RIPK4: variants seen among roughly 807,000 people sequenced by gnomAD.
RIPK4 encodes the protein receptor-interacting serine/threonine-protein kinase 4.
Under a neutral mutation model 42.9 loss-of-function variants are expected in RIPK4, and 17 were observed. The observed-to-expected ratio is 0.40, with a 90% CI of 0.27 to 0.59. The LOEUF (loss-of-function observed/expected upper bound fraction) is 0.59, where lower values mean the gene tolerates loss of function less well. RIPK4 is among the 20% of genes least tolerant of loss of function. The pLI is 0.47. For missense variants in RIPK4, 897 were observed against 1,104.4 expected (o/e 0.81, Z 2.66); for synonymous variants, 498 against 499.1 (o/e 1.00, Z 0.03).
At chr21:41,756,926 A>C in intron 1 of RIPK4, 110 bp from the exon 2 acceptor site, 1 of 1,098,012 alleles carries the variant, frequency 9.1e-7, no homozygotes, top group Non-Finnish European at 1.3e-6. Context: ...CAAATGCCTC[A>C]AGTGCACACA....
Position 41,740,635 on chromosome 21 carries a change from G to T in RIPK4, c.*203C>A. On this transcript the variant is annotated 3_prime_UTR_variant, in exon 8 of 8. Transcript: ENST00000332512. ...CAGGTGCCTAGATCGATGATGGAGC[G>T]GGCATGTGCACCTGAGCCAGCTTCA... 1.7e-6 allele frequency: 1 copy of T among 580,918 alleles called. No homozygotes were observed. The highest frequency in any genetic ancestry group is 3.0e-6 in the Non-Finnish European group (1 of 330,588). The allele number at this position is 580,918 out of a possible 1,614,324, so 36.0% of individuals were successfully genotyped here. A position where few individuals can be genotyped will look rare whatever the true frequency, so the allele number is the denominator to read the frequency against.
intron 1 of RIPK4, among the ~76,000 whole-genome samples, chr21:41,761,431 T>C (rs1174728704): frequency 6.6e-6 from 1 of 152,262 alleles, no homozygotes; most frequent in Admixed American, 6.5e-5. Context: ...AGTTATGATT[T>C]GTCTGTTTCC....
Position 41,756,745 on chromosome 21 carries a change from T to C in RIPK4, c.254A>G (p.Tyr85Cys), listed in dbSNP as rs779806272. Reference protein sequence around the residue: ...MAKFRYILPVYGICREPVGLV... With the variant: ...MAKFRYILPVCGICREPVGLV... ...GCCGACAGGTTCGCGGCAGATGCCA[T>C]ACACAGGCAGGATGTAGCGAAACTT... The change falls in exon 2 of 8, where the codon TAT becomes TGT. Residue 85 changes from tyrosine (Y) to cysteine (C), a missense_variant. Tyr to Cys is a radical substitution (Grantham distance 194). Transcript: ENST00000332512. 6.2e-7 allele frequency: 1 copy of C among 1,614,230 alleles called. No individual in the cohort carries two copies. Among genetic ancestry groups the C allele is most frequent in the South Asian group, 1.1e-5 (1 of 91,090 alleles).
chr21:41,760,496 C>A (rs1482394679), intron 1 of RIPK4, among the ~76,000 whole-genome samples: 1 of 152,196 alleles, frequency 6.6e-6, no homozygotes, highest in South Asian at 2.1e-4. Context: ...CTGAGAGAAT[C>A]GGGAAGGCTG....
chr21:41,744,135 C>T lies in RIPK4; in HGVS notation c.942G>A (p.Val314=). ...CAGAGGCCCGCTTGAGCCTCGCAGG[C>T]ACCACCTGCGAAGATGCAGAAGAGG... is the stretch of plus-strand genomic sequence containing the variant. ...KSPPEPRSEV[V]PARLKRASAP... is the part of the protein sequence containing the mutation. The change falls in exon 7 of 8, where the codon GTG becomes GTA. Residue 314 remains valine, a synonymous_variant. Coordinates refer to ENST00000332512, the MANE Select transcript of RIPK4 (RefSeq NM_020639.3). The T allele has an allele frequency of 6.3e-7, 1 of 1,586,614 alleles. No homozygotes were observed. Among genetic ancestry groups the T allele is most frequent in the Non-Finnish European group, 8.6e-7 (1 of 1,164,310 alleles).
At chr21:41,749,070 T>C (rs2061180309) in intron 4 of RIPK4, 84 bp downstream of exon 4, 8 of 1,432,764 alleles carry the variant, frequency 5.6e-6, no homozygotes, top group Admixed American at 1.7e-5. Flanking sequence ...GGCTCTGTTT[T>C]AGGATAGAGA....
intron 2 of RIPK4, 78 bp downstream of exon 2, chr21:41,756,447 C>T (rs751511733): frequency 8.5e-6 from 13 of 1,529,030 alleles, no homozygotes; most frequent in Non-Finnish European, 1.1e-5. Context: ...GACCTCAGGG[C>T]TTGACCCCTT....
chr21:41,756,462 C>A (rs2061203631), intron 2 of RIPK4, 63 bp downstream of exon 2: 5 of 1,561,786 alleles, frequency 3.2e-6, no homozygotes, highest in Admixed American at 1.7e-5. Flanking sequence ...CCCCTTGATA[C>A]CCTGCTCCCC....
intron 4 of RIPK4, among the ~76,000 whole-genome samples, chr21:41,747,299 T>C (rs2061174913): frequency 6.6e-6 from 1 of 152,228 alleles, no homozygotes; most frequent in South Asian, 2.1e-4. Flanking sequence ...CTGGGATGTG[T>C]GGAAGGGCTC....
intron 3 of RIPK4, 119 bp downstream of exon 3, chr21:41,750,978 C>G (rs755349132): frequency 3.7e-5 from 50 of 1,335,892 alleles, no homozygotes; most frequent in Admixed American, 6.6e-5. Flanking sequence ...GCGCCTGGCC[C>G]GAGCCCCATT....
intron 6 of RIPK4, among the ~76,000 whole-genome samples, chr21:41,745,296 C>T (rs9976790): frequency 2.0e-5 from 3 of 152,208 alleles, no homozygotes; most frequent in Admixed American, 1.3e-4. Context: ...CCTCATCACC[C>T]GAAAAGGCAT....
rs746017728 is a variant in RIPK4, at chr21:41,766,882, G to C, written c.160C>G (p.Pro54Ala). ...CACCTGTCGTCGACGTGCAGGCTGG[G>C]CGAGCACTTGATGGCCAGCCAGGTC... Reference protein sequence around the residue: ...WKTWLAIKCSPSLHVDDRERM... With the variant: ...WKTWLAIKCSASLHVDDRERM... The change falls in exon 1 of 8, where the codon CCC (proline) becomes GCC (alanine). Residue 54 changes from proline to alanine, a missense_variant. Coordinates refer to ENST00000332512, the MANE Select transcript of RIPK4 (RefSeq NM_020639.3). The C allele has an allele frequency of 6.2e-7, 1 of 1,610,286 alleles. No individual in the cohort carries two copies. Among genetic ancestry groups the C allele is most frequent in the Non-Finnish European group, 8.5e-7 (1 of 1,178,742 alleles).
chr21:41,756,953 A>G lies in RIPK4; in HGVS notation c.183-137T>C, dbSNP rs138844254. On this transcript the variant is annotated intron_variant, in intron 1 of 7. Transcript: ENST00000332512. ...GTGCACACACATGGGGCACACTTCAATGTCACATCACGAATGCAGGGCTTT... is the reference window on the plus strand; with the variant it reads ...GTGCACACACATGGGGCACACTTCAGTGTCACATCACGAATGCAGGGCTTT... 3.9e-3 allele frequency: 3,298 copies of G among 842,024 alleles called. 7 individuals carry two copies. The highest frequency in any genetic ancestry group is 5.6e-3 in the Non-Finnish European group (3,070 of 550,442). 52.2% of individuals were successfully genotyped at this position (842,024 alleles called of 1,614,324 possible).
chr21:41,753,988 T>C (rs1222234314), intron 2 of RIPK4, among the ~76,000 whole-genome samples: 1 of 152,230 alleles, frequency 6.6e-6, no homozygotes, highest in Non-Finnish European at 1.5e-5. Context: ...TATTACTTTG[T>C]ATACTATTTA....
intron 2 of RIPK4, among the ~76,000 whole-genome samples, chr21:41,754,385 A>T (rs1193898524): frequency 1.3e-5 from 2 of 152,194 alleles, no homozygotes; most frequent in Admixed American, 6.5e-5. Flanking sequence ...CCTGATTAAG[A>T]AGGACGCCAC....
chr21:41,742,137 G>T lies in RIPK4; in HGVS notation c.1196-140C>A. 1.3e-6 allele frequency: 1 copy of T among 776,916 alleles called. No homozygotes were observed. The highest frequency in any genetic ancestry group is 2.1e-6 in the Non-Finnish European group (1 of 479,958). 48.1% of individuals were successfully genotyped at this position (776,916 alleles called of 1,614,324 possible). Reference sequence around the variant, plus strand: ...TCGCTGGTCACCCGACTGTGTTTGAGCGTTGTCTGTGCCTCGTGATTAAGG... The same window carrying T: ...TCGCTGGTCACCCGACTGTGTTTGATCGTTGTCTGTGCCTCGTGATTAAGG... On this transcript the variant is annotated intron_variant, in intron 7 of 7. Transcript: ENST00000332512. This position sits in a 1 kb window ranked among gnomAD's most constrained non-coding sequence, Gnocchi z 5.1.
chr21:41,745,256 TA>T (rs1217412545), intron 6 of RIPK4, among the ~76,000 whole-genome samples: 2 of 152,186 alleles, frequency 1.3e-5, no homozygotes, highest in Admixed American at 6.5e-5. Flanking sequence ...AAAGCTCACT[TA>T]TCAGCTGGGC....
rs2061180820 is a variant in RIPK4 at position 41,749,217 on chromosome 21, C to T, written c.624-14G>A. 1 of 1,613,676 alleles carries T rather than the reference C, an allele frequency of 6.2e-7. No individual in the cohort carries two copies. Among genetic ancestry groups the T allele is most frequent in the Non-Finnish European group, 8.5e-7 (1 of 1,179,828 alleles). ...ACGATCGCAAAGCTGGAAGAGAAAC[C>T]AGGCACGTTAGCATCTGACAGCCAG... is the stretch of plus-strand genomic sequence containing the variant. On this transcript the variant is annotated splice_polypyrimidine_tract_variant and intron_variant, in intron 3 of 7. Transcript: ENST00000332512.
In RIPK4 at chr21:41,756,508, A is replaced by G. The variant is rs763001447; in HGVS notation, c.474+17T>C. ...CCCTCCCTGCCCAGCTCTCTCGGGC[A>G]CCGTGCGGCCCCCCACCTTGACGTG... On this transcript the variant is annotated intron_variant, in intron 2 of 7. Transcript: ENST00000332512. 3 of 1,606,136 alleles carry G rather than the reference A, an allele frequency of 1.9e-6. No individual in the cohort carries two copies. Among genetic ancestry groups the G allele is most frequent in the Non-Finnish European group, 2.6e-6 (3 of 1,176,354 alleles).
Sources: gnomAD v4.1 joint callset for allele counts (sites outside exome capture counted in the v4.1 genomes callset) on GRCh38, gnomAD v4.1.1 for gene constraint, Gnocchi (gnomAD v3.1) non-coding constraint, MANE v1.5 for transcripts, NCBI Gene and HGNC (gene_info 2026-07-23, HGNC 2026-07-21) for gene names.